Variants in SLIT3 observed in about 807,000 individuals in gnomAD.
SLIT3 encodes slit homolog 3 protein.
A neutral mutation model predicts 184.0 loss-of-function variants in SLIT3; 68 were observed. That is an observed-to-expected ratio of 0.37 (90% CI 0.30 to 0.45). The LOEUF is 0.45. SLIT3 is among the 20% of genes least tolerant of loss of function. The probability of loss-of-function intolerance (pLI) is 1.00; values close to 1 mark genes in which losing one functional copy is unlikely to be tolerated. For missense variants in SLIT3, 1,707 were observed against 2,026.0 expected, an observed-to-expected ratio of 0.84 and a Z score of 3.02; for synonymous variants, 831 against 828.6, an observed-to-expected ratio of 1.00 and a Z score of -0.05.
chr5:168,890,833 G>A (rs1386504184), intron 4 of SLIT3, among the ~76,000 whole-genome samples: 1 of 152,124 alleles, frequency 6.6e-6, no homozygotes, highest in Non-Finnish European at 1.5e-5. Flanking sequence ...CAGATTCCTG[G>A]GGTCCATCCC....
chr5:169,282,275 CA>C (rs1209114913), intron 1 of SLIT3, among the ~76,000 whole-genome samples: 1 of 152,072 alleles, frequency 6.6e-6, no homozygotes, highest in East Asian at 1.9e-4. Context: ...ATATTTCCCT[CA>C]AAAAAATCTG....
rs571487057 is a variant in SLIT3, at chr5:169,202,685, C to T, written c.342-9135G>A. ...TATGAGAGTCTCAGGAAATCCTTGC[C>T]CTATTTATGTGGTTATAGAGAACTC... is the stretch of plus-strand genomic sequence containing the variant. On this transcript the variant is annotated intron_variant, in intron 3 of 35. Coordinates refer to ENST00000519560, the MANE Select transcript of SLIT3 (RefSeq NM_003062.4). Among the ~76,000 whole-genome samples, 587 of 152,128 alleles carry T rather than the reference C, an allele frequency of 3.9e-3. 9 individuals are homozygous for T. Among genetic ancestry groups the T allele is most frequent in the Non-Finnish European group, 9.6e-4 (65 of 68,006 alleles).
At chr5:168,965,807 T>C (rs1365575565) in intron 4 of SLIT3, among the ~76,000 whole-genome samples, 1 of 152,212 alleles carries the variant, frequency 6.6e-6, no homozygotes, top group African/African-American at 2.4e-5. Flanking sequence ...CAATCCCAGT[T>C]AGGATGTACT....
At chr5:169,122,322 C>T (rs1760912368) in intron 4 of SLIT3, among the ~76,000 whole-genome samples, 1 of 152,164 alleles carries the variant, frequency 6.6e-6, no homozygotes, top group African/African-American at 2.4e-5. Context: ...GGTCATTATT[C>T]TAACCCTGAA....
At chr5:168,892,464 G>A (rs1760503847) in intron 4 of SLIT3, among the ~76,000 whole-genome samples, 1 of 152,184 alleles carries the variant, frequency 6.6e-6, no homozygotes. Context: ...TCAGATGTTG[G>A]AACCAATCTA....
intron 1 of SLIT3, among the ~76,000 whole-genome samples, chr5:169,276,286 T>C (rs1401172933): frequency 6.6e-6 from 1 of 152,140 alleles, no homozygotes; most frequent in Admixed American, 6.6e-5. Flanking sequence ...GCGACTCTGC[T>C]CACAGCCCAG....
intron 5 of SLIT3, among the ~76,000 whole-genome samples, chr5:168,857,050 C>T (rs547827050): frequency 4.5e-4 from 69 of 152,028 alleles, no homozygotes; most frequent in South Asian, 4.2e-4. Flanking sequence ...CCAGGACTCT[C>T]GGGAGCAGCC....
At chr5:169,155,413 AATTT>A (rs1287415494) in intron 4 of SLIT3, among the ~76,000 whole-genome samples, 2 of 152,196 alleles carry the variant, frequency 1.3e-5, no homozygotes, top group Non-Finnish European at 2.9e-5. Context: ...ATCTGAAATT[AATTT>A]ATTGAAAACC....
At chr5:168,946,599 C>A (rs1289135915) in intron 4 of SLIT3, among the ~76,000 whole-genome samples, 7 of 152,208 alleles carry the variant, frequency 4.6e-5, no homozygotes, top group African/African-American at 1.7e-4. Context: ...CTGGCTCCAG[C>A]ATCTTCTGCA....
At chr5:168,896,404 T>A (rs1210909834) in intron 4 of SLIT3, among the ~76,000 whole-genome samples, 1 of 152,194 alleles carries the variant, frequency 6.6e-6, no homozygotes, top group Non-Finnish European at 1.5e-5. Flanking sequence ...TACTGGTTCT[T>A]ATCAGTACTT....
intron 4 of SLIT3, among the ~76,000 whole-genome samples, chr5:169,157,800 G>A (rs1421286220): frequency 1.3e-5 from 2 of 151,960 alleles, no homozygotes; most frequent in Non-Finnish European, 2.9e-5. Flanking sequence ...TGATAGAAAT[G>A]AAACACTAGA....
In SLIT3 at chr5:168,834,938, A is replaced by G. The variant is rs540515163; in HGVS notation, c.557+9646T>C. Among the ~76,000 whole-genome samples the G allele has an allele frequency of 2.0e-5, 3 of 152,256 alleles. No homozygotes were observed. In the South Asian group the frequency reaches 6.2e-4, roughly 32 times the overall value. On this transcript the variant is annotated intron_variant, in intron 6 of 35. Coordinates refer to ENST00000519560, the MANE Select transcript of SLIT3 (RefSeq NM_003062.4). The stretch of plus-strand genomic sequence containing the variant: ...CTTCGCTCCCAGCTTGCACCGTCCA[A>G]TAAGGTAGCCATGAGCTACACGTGG...
intron 14 of SLIT3, among the ~76,000 whole-genome samples, chr5:168,770,894 C>G (rs1755527541): frequency 6.6e-6 from 1 of 152,050 alleles, no homozygotes; most frequent in Admixed American, 6.6e-5. Flanking sequence ...GCCCCACCCC[C>G]ACCTTGCCAC....
intron 5 of SLIT3, among the ~76,000 whole-genome samples, chr5:168,866,358 C>T (rs757623993): frequency 6.6e-6 from 1 of 152,210 alleles, no homozygotes; most frequent in Non-Finnish European, 1.5e-5. Context: ...ACATGAGGCC[C>T]TCCCACATTC....
At chr5:168,743,939 G>A (rs1340810471) in intron 20 of SLIT3, among the ~76,000 whole-genome samples, 1 of 152,210 alleles carries the variant, frequency 6.6e-6, no homozygotes, top group Admixed American at 6.5e-5. Flanking sequence ...GCTGACAGAG[G>A]TGAGAAAACT....
At chr5:168,913,341 G>A (rs911682136) in intron 4 of SLIT3, among the ~76,000 whole-genome samples, 2 of 152,148 alleles carry the variant, frequency 1.3e-5, no homozygotes, top group Non-Finnish European at 2.9e-5. Flanking sequence ...CATTACTAAC[G>A]CCCTCATATT....
chr5:168,806,329 T>C (rs756380797), intron 9 of SLIT3, 117 bp downstream of exon 9: 5 of 1,125,756 alleles, frequency 4.4e-6, no homozygotes, highest in Non-Finnish European at 6.5e-6. Context: ...TTCCTGAGTG[T>C]TTTTAATGGT....
intron 4 of SLIT3, among the ~76,000 whole-genome samples, chr5:169,174,150 T>C (rs1762897559): frequency 6.6e-6 from 1 of 152,222 alleles, no homozygotes. Context: ...AGACAAGACC[T>C]AGTGGGCTCT....
intron 6 of SLIT3, 52 bp downstream of exon 6, chr5:168,844,532 C>T: frequency 6.6e-7 from 1 of 1,520,748 alleles, no homozygotes; most frequent in Middle Eastern, 1.7e-4. Context: ...GACACACACA[C>T]ATACACACAC....
Sources: allele counts gnomAD v4.1 joint callset (sites outside exome capture counted in the v4.1 genomes callset), GRCh38; gene constraint gnomAD v4.1.1; transcripts MANE v1.5; gene names NCBI Gene and HGNC (gene_info 2026-07-23, HGNC 2026-07-21).